Variants in RHBG observed in about 807,000 individuals in gnomAD.
RHBG encodes the protein ammonium transporter Rh type B.
In RHBG, 39 loss-of-function variants were observed where a neutral mutation model predicts 40.1. The ratio of observed to expected loss-of-function variants is 0.97; its 90% CI spans 0.75 to 1.27. The LOEUF (loss-of-function observed/expected upper bound fraction) is 1.27, where lower values mean the gene tolerates loss of function less well. RHBG is among the 50% of genes most tolerant of loss of function. The pLI is 0.00. For missense variants in RHBG, 549 were observed against 588.1 expected (o/e 0.93, Z 0.69); for synonymous variants, 237 against 252.5 (o/e 0.94, Z 0.58).
chr1:156,374,157 C>A (rs1488895581), intron 1 of RHBG, among the ~76,000 whole-genome samples: 1 of 152,036 alleles, frequency 6.6e-6, no homozygotes, highest in East Asian at 1.9e-4. Context: ...GAGCGCGAAC[C>A]CTATTGCGAA....
chr1:156,381,601 G>C, intron 5 of RHBG, 88 bp downstream of exon 5: 8 of 1,489,936 alleles, frequency 5.4e-6, no homozygotes, highest in Non-Finnish European at 5.4e-6. Context: ...ATTCTCCCGG[G>C]GAACAGATAA....
chr1:156,377,504 C>T lies in RHBG; in HGVS notation c.374+17C>T. On this transcript the variant is annotated intron_variant, in intron 2 of 9. Coordinates refer to ENST00000537040, the MANE Select transcript of RHBG (RefSeq NM_020407.5). This position sits in a 1 kb window ranked among gnomAD's most constrained non-coding sequence, Gnocchi z 4.6. Reference sequence around the variant, plus strand: ...CGTGGAGAGGTGGGCAGCCGCCACCCACCCAGCTCCCCAAGGTTCACTCGG... The same window carrying T: ...CGTGGAGAGGTGGGCAGCCGCCACCTACCCAGCTCCCCAAGGTTCACTCGG... The T allele has an allele frequency of 6.3e-7, 1 of 1,598,014 alleles. No homozygotes were observed. The highest frequency in any genetic ancestry group is 8.6e-7 in the Non-Finnish European group (1 of 1,167,494).
chr1:156,369,951 G>T (rs986867786), intron 1 of RHBG, among the ~76,000 whole-genome samples: 1 of 152,070 alleles, frequency 6.6e-6, no homozygotes, highest in East Asian at 1.9e-4. Flanking sequence ...ACACGTGTAG[G>T]CAGCCAAGAC....
chr1:156,371,353 T>C (rs1328069079), intron 1 of RHBG: 1 of 308,902 alleles, frequency 3.2e-6, no homozygotes, highest in East Asian at 1.2e-4. Flanking sequence ...AGAGATGAGG[T>C]TTCGCCATGT....
Position 156,377,557 on chromosome 1 carries a change from T to C in RHBG, c.374+70T>C. ...GGCCCCTGCCCATGGGCCCCGGATCTAGCCCTGTCCTTCAAGTCTGCTTCC... is the reference window on the plus strand; with the variant it reads ...GGCCCCTGCCCATGGGCCCCGGATCCAGCCCTGTCCTTCAAGTCTGCTTCC... On this transcript the variant is annotated intron_variant, in intron 2 of 9. Transcript: ENST00000537040. This position sits in a 1 kb window ranked among gnomAD's most constrained non-coding sequence, Gnocchi z 4.6. The C allele has an allele frequency of 6.7e-7, 1 of 1,490,108 alleles. No individual in the cohort carries two copies. The highest frequency in any genetic ancestry group is 9.1e-7 in the Non-Finnish European group (1 of 1,096,642). 92.3% of individuals were successfully genotyped at this position (1,490,108 alleles called of 1,614,324 possible).
intron 1 of RHBG, among the ~76,000 whole-genome samples, chr1:156,376,062 C>A (rs1029742365): frequency 6.6e-6 from 1 of 152,048 alleles, no homozygotes; most frequent in Non-Finnish European, 1.5e-5. Flanking sequence ...TTATTTTTAT[C>A]GGTTTAGCTT....
At chr1:156,382,232 G>A (rs777936698) in intron 7 of RHBG, 31 bp downstream of exon 7, 16 of 1,613,906 alleles carry the variant, frequency 9.9e-6, no homozygotes, top group South Asian at 5.5e-5. Context: ...TACTGCAGTC[G>A]TCATCCATCT....
At chr1:156,379,114 C>G (rs533292865) in intron 4 of RHBG, among the ~76,000 whole-genome samples, 9 of 151,938 alleles carry the variant, frequency 5.9e-5, no homozygotes, top group African/African-American at 9.7e-5. Context: ...CCTGCCTCAT[C>G]CTCCCGAGTA....
chr1:156,380,619 A>G (rs1250282108), intron 4 of RHBG, among the ~76,000 whole-genome samples: 1 of 149,366 alleles, frequency 6.7e-6, no homozygotes, highest in African/African-American at 2.5e-5. Context: ...CCAGCTACTC[A>G]GGAGGCTGAG....
intron 8 of RHBG, among the ~76,000 whole-genome samples, chr1:156,383,577 A>ATTTTTTTTTTTTTTTTTTTT (rs1667825874): frequency 1.4e-5 from 2 of 147,640 alleles, no homozygotes; most frequent in African/African-American, 5.0e-5. Context: ...TGCCTGGCCT[A>ATTTTTTTTTTTTTTTTTTTT]GAATCTACAC....
chr1:156,382,560 G>A (rs1408828), intron 7 of RHBG, 188 bp from the exon 8 acceptor site: 239,631 of 753,512 alleles, frequency 0.32, 38,313 homozygotes, highest in African/African-American at 0.39. Flanking sequence ...GTGGGAAGGT[G>A]TTCCAGGCTG....
intron 1 of RHBG, among the ~76,000 whole-genome samples, chr1:156,376,905 C>G (rs916260023): frequency 2.0e-5 from 3 of 152,122 alleles, no homozygotes; most frequent in African/African-American, 7.2e-5. Flanking sequence ...GGGTAGATGT[C>G]AAGAAGGACT....
chr1:156,380,898 GTAT>G (rs757432518), intron 4 of RHBG, among the ~76,000 whole-genome samples: 6 of 151,496 alleles, frequency 4.0e-5, no homozygotes, highest in South Asian at 2.1e-4. Flanking sequence ...TGATGAGGTG[GTAT>G]TATTATTATT....
At chr1:156,370,967 G>A (rs1314980373) in intron 1 of RHBG, among the ~76,000 whole-genome samples, 1 of 151,002 alleles carries the variant, frequency 6.6e-6, no homozygotes, top group East Asian at 2.0e-4. Flanking sequence ...CAGGCCCTAG[G>A]CAGCTGGGAC....
At chr1:156,380,313 GCTGGTCT>G (rs1377671651) in intron 4 of RHBG, among the ~76,000 whole-genome samples, 1 of 151,826 alleles carries the variant, frequency 6.6e-6, no homozygotes, top group Non-Finnish European at 1.5e-5. Flanking sequence ...TGTTGGTTAG[GCTGGTCT>G]CGAACCCCGA....
intron 1 of RHBG, chr1:156,374,715 T>C: frequency 3.0e-6 from 1 of 327,982 alleles, no homozygotes. Context: ...GTCTCCTGAG[T>C]AGCTGGGATT....
intron 4 of RHBG, among the ~76,000 whole-genome samples, chr1:156,379,957 G>C (rs1368379101): frequency 6.6e-6 from 1 of 152,138 alleles, no homozygotes; most frequent in Non-Finnish European, 1.5e-5. Context: ...AGCCCATTCA[G>C]TACTCAGCAA....
At position 156,374,933 on chromosome 1, in the gene RHBG, T is replaced by C. The variant is rs1667089619; in HGVS notation, c.188-2368T>C. ...GCTGAATAGTATTCCACTGTGTATATGTACCACATTTTCTTTATCCATTCA... is the reference window on the plus strand; with the variant it reads ...GCTGAATAGTATTCCACTGTGTATACGTACCACATTTTCTTTATCCATTCA... On this transcript the variant is annotated intron_variant, in intron 1 of 9. Transcript: ENST00000537040. Among the ~76,000 whole-genome samples the C allele has an allele frequency of 2.0e-5, 3 of 152,180 alleles. No individual in the cohort carries two copies. In the South Asian group the frequency reaches 6.2e-4, roughly 31 times the overall value.
rs372245260 is a variant in RHBG, at chr1:156,378,007, T to C, written c.392T>C (p.Phe131Ser). Residue 131 changes from phenylalanine (F) to serine (S), a missense_variant, in exon 3 of 10, where the codon TTT becomes TCT. Transcript: ENST00000537040. ...VGVESMINAD[F>S]CAGAVLISFG... Reference sequence around the variant, plus strand: ...ATCCCCAGCATGATCAATGCTGACTTTTGTGCGGGGGCCGTGCTCATCTCC... The same window carrying C: ...ATCCCCAGCATGATCAATGCTGACTCTTGTGCGGGGGCCGTGCTCATCTCC... The C allele has an allele frequency of 1.5e-5, 24 of 1,550,328 alleles. No homozygotes were observed. Among genetic ancestry groups the C allele is most frequent in the Non-Finnish European group, 1.9e-5 (22 of 1,145,424 alleles).
Sources: allele counts gnomAD v4.1 joint callset (sites outside exome capture counted in the v4.1 genomes callset), GRCh38; gene constraint gnomAD v4.1.1; non-coding constraint Gnocchi (gnomAD v3.1); transcripts MANE v1.5; gene names NCBI Gene and HGNC (gene_info 2026-07-23, HGNC 2026-07-21).